TENM3: variants seen among roughly 807,000 people sequenced by gnomAD.
The protein encoded by TENM3 is teneurin transmembrane protein 3, also known as teneurin-3.
In TENM3, 63 loss-of-function variants were observed where a neutral mutation model predicts 255.1. That is an observed-to-expected ratio of 0.25 (90% confidence interval 0.20 to 0.30). The LOEUF is 0.30. TENM3 is among the 10% of genes least tolerant of loss of function. The pLI, the probability that TENM3 is intolerant of heterozygous loss-of-function variation, is 1.00. For synonymous variants in TENM3, 1,306 were observed against 1,322.3 expected, an observed-to-expected ratio of 0.99 and a Z score of 0.27; for missense variants, 2,929 against 3,461.1, an observed-to-expected ratio of 0.85 and a Z score of 3.86.
chr4:182,204,159 A>T (rs1186895692), intron 1 of TENM3, among the ~76,000 whole-genome samples: 3 of 152,214 alleles, frequency 2.0e-5, no homozygotes, highest in Non-Finnish European at 4.4e-5. Context: ...TTTGAGGCTC[A>T]TTATGATTAC....
the TENM3 span, among the ~76,000 whole-genome samples, chr4:182,135,444 T>G: frequency 2.0e-5 from 3 of 152,206 alleles, no homozygotes; most frequent in Admixed American, 2.0e-4. Context: ...TGTGGCCTAA[T>G]GTACTTCTGA....
At chr4:181,576,901 C>A in the TENM3 span, among the ~76,000 whole-genome samples, 1 of 139,664 alleles carries the variant, frequency 7.2e-6, no homozygotes. Context: ...GCAACCTCTG[C>A]CTCCCGGGTT....
chr4:182,144,119 C>G (rs750713105), upstream of TENM3: 1 of 151,142 alleles, frequency 6.6e-6, no homozygotes. Flanking sequence ...CAGCTCGCCC[C>G]GTGATTGGGC....
chr4:182,690,055 G>A (rs1041502353), intron 12 of TENM3, among the ~76,000 whole-genome samples: 1 of 152,206 alleles, frequency 6.6e-6, no homozygotes, highest in Admixed American at 6.5e-5. Flanking sequence ...CCTAAGAAGA[G>A]TAGGTGTGGA....
At chr4:182,583,475 A>T (rs918024845) in intron 3 of TENM3, among the ~76,000 whole-genome samples, 5 of 152,098 alleles carry the variant, frequency 3.3e-5, no homozygotes, top group Non-Finnish European at 7.4e-5. Flanking sequence ...CTAATATTAC[A>T]GATGAAAGGA....
intron 13 of TENM3, among the ~76,000 whole-genome samples, chr4:182,728,729 C>T (rs1391289551): frequency 6.6e-6 from 1 of 152,106 alleles, no homozygotes; most frequent in Non-Finnish European, 1.5e-5. Flanking sequence ...CGTAAAAATA[C>T]AGCATTATTA....
At chr4:182,740,162 A>T (rs1301801890) in intron 18 of TENM3, among the ~76,000 whole-genome samples, 4 of 152,148 alleles carry the variant, frequency 2.6e-5, no homozygotes, top group Non-Finnish European at 5.9e-5. Context: ...ATTTTATAGC[A>T]GTATATTAAG....
At chr4:181,703,748 T>A in the TENM3 span, among the ~76,000 whole-genome samples, 2 of 152,230 alleles carry the variant, frequency 1.3e-5, no homozygotes, top group Non-Finnish European at 2.9e-5. Context: ...CCTCTTGGCA[T>A]CCAGGACTTA....
chr4:182,352,044 C>A (rs553400927), intron 3 of TENM3, among the ~76,000 whole-genome samples: 3 of 152,148 alleles, frequency 2.0e-5, no homozygotes, highest in African/African-American at 4.8e-5. Context: ...CAAGTGCCTA[C>A]CTAGTTTGGA....
At chr4:182,480,685 G>A (rs1206464639) in intron 3 of TENM3, among the ~76,000 whole-genome samples, 1 of 151,938 alleles carries the variant, frequency 6.6e-6, no homozygotes, top group South Asian at 2.1e-4. Flanking sequence ...ACAATTGGTT[G>A]TATCATTTTA....
intron 1 of TENM3, among the ~76,000 whole-genome samples, chr4:182,231,232 G>A (rs893130503): frequency 3.0e-4 from 45 of 151,988 alleles, no homozygotes; most frequent in Non-Finnish European, 2.1e-4. Context: ...GTTCGAGGGG[G>A]TCTAAGCTAT....
the TENM3 span, among the ~76,000 whole-genome samples, chr4:181,978,502 C>T: frequency 3.3e-5 from 5 of 151,976 alleles, no homozygotes; most frequent in East Asian, 5.8e-4. Flanking sequence ...CAAAAATTAG[C>T]GAGGCATGGT....
At chr4:181,781,668 G>GGT in the TENM3 span, among the ~76,000 whole-genome samples, 3 of 152,158 alleles carry the variant, frequency 2.0e-5, no homozygotes, top group Non-Finnish European at 2.9e-5. Flanking sequence ...GAATAGGAGT[G>GGT]GTGAGAGAGG....
chr4:182,714,069 C>T lies in TENM3; in HGVS notation c.2222-18C>T, dbSNP rs772253594. 10 of 1,610,372 alleles carry T rather than the reference C, an allele frequency of 6.2e-6. No homozygotes were observed. In the East Asian group the frequency reaches 1.6e-4, roughly 25 times the overall value. ...TCAATACTCAAATCACTGGTGTTTTCCTTCTTTGTCTCGACAGAGGGTTGT... is the reference window on the plus strand; with the variant it reads ...TCAATACTCAAATCACTGGTGTTTTTCTTCTTTGTCTCGACAGAGGGTTGT... On this transcript the variant is annotated intron_variant, in intron 12 of 27. Coordinates refer to ENST00000511685, the MANE Select transcript of TENM3 (RefSeq NM_001080477.4).
At chr4:182,333,649 C>T (rs182102160) in intron 2 of TENM3, among the ~76,000 whole-genome samples, 1 of 152,202 alleles carries the variant, frequency 6.6e-6, no homozygotes, top group African/African-American at 2.4e-5. Flanking sequence ...TAGGACATTT[C>T]AGTTGAAATA....
intron 1 of TENM3, among the ~76,000 whole-genome samples, chr4:182,290,438 T>C (rs1205368568): frequency 1.3e-5 from 2 of 152,224 alleles, no homozygotes; most frequent in African/African-American, 4.8e-5. Flanking sequence ...AGATGTAATA[T>C]GGTCATCAAA....
intron 3 of TENM3, among the ~76,000 whole-genome samples, chr4:182,504,452 T>A (rs926985319): frequency 1.9e-4 from 6 of 32,342 alleles, no homozygotes; most frequent in African/African-American, 5.3e-4. Context: ...AGTTAAGTCC[T>A]CTGTAAAAGT....
the TENM3 span, among the ~76,000 whole-genome samples, chr4:182,064,457 A>C: frequency 1.3e-5 from 2 of 152,150 alleles, no homozygotes; most frequent in East Asian, 3.9e-4. Flanking sequence ...GGGCGCCTGT[A>C]GTCCCAGCTA....
intron 3 of TENM3, among the ~76,000 whole-genome samples, chr4:182,353,572 T>C (rs1765321634): frequency 2.0e-5 from 3 of 152,352 alleles, no homozygotes; most frequent in African/African-American, 7.2e-5. Flanking sequence ...ACAATTTCAA[T>C]AGTGACTTGT....
Sources: allele counts gnomAD v4.1 joint callset (sites outside exome capture counted in the v4.1 genomes callset), GRCh38; gene constraint gnomAD v4.1.1; transcripts MANE v1.5; gene names NCBI Gene and HGNC (gene_info 2026-07-23, HGNC 2026-07-21).